Variants in BOP1 observed in about 807,000 individuals in gnomAD.
BOP1 encodes ribosome biogenesis protein BOP1.
BOP1 carries 54 observed loss-of-function variants against 82.9 expected under a neutral mutation model. The ratio of observed to expected loss-of-function variants is 0.65; its 90% CI spans 0.52 to 0.82. BOP1 has a LOEUF of 0.82. Ranked by LOEUF, BOP1 falls within the 40% of genes least tolerant of loss-of-function variation. The pLI is 0.00. For synonymous variants in BOP1, 566 were observed against 451.1 expected, an observed-to-expected ratio of 1.25 and a Z score of -3.23; for missense variants, 1,170 against 1,072.0, an observed-to-expected ratio of 1.09 and a Z score of -1.28.
intron 2 of BOP1, among the ~76,000 whole-genome samples, chr8:144,283,961 A>G (rs1156566567): frequency 2.6e-5 from 4 of 152,206 alleles, no homozygotes; most frequent in Admixed American, 2.0e-4. Context: ...TCCTAAAAAT[A>G]CAGACATTAG....
rs538398149 is a variant in BOP1 at position 144,284,857 on chromosome 8, G to A, written c.309+4238C>T. Among the ~76,000 whole-genome samples the A allele has an allele frequency of 5.9e-5, 9 of 152,318 alleles. No homozygotes were observed. In the South Asian group the frequency reaches 1.7e-3, roughly 28 times the overall value. On this transcript the variant is annotated intron_variant, in intron 2 of 15. Transcript: ENST00000569669. Reference sequence around the variant, plus strand: ...AAAGCCAGAGGGAAGCCTGTGGCCCGGCCCTGCAGCCAGAAGCACGCCCAC... The same window carrying A: ...AAAGCCAGAGGGAAGCCTGTGGCCCAGCCCTGCAGCCAGAAGCACGCCCAC...
At chr8:144,268,866 G>C (rs1027029711) in intron 3 of BOP1, among the ~76,000 whole-genome samples, 1 of 152,130 alleles carries the variant, frequency 6.6e-6, no homozygotes, top group Non-Finnish European at 1.5e-5. Flanking sequence ...CGGGCCTGTC[G>C]GGCACCCGGG....
At chr8:144,275,040 C>CCG (rs2130236405) in intron 3 of BOP1, among the ~76,000 whole-genome samples, 1 of 151,620 alleles carries the variant, frequency 6.6e-6, no homozygotes, top group South Asian at 2.1e-4. Flanking sequence ...CAGCAGAGAC[C>CCG]GGATCGGGCG....
At chr8:144,282,946 T>C (rs1443442783) in intron 2 of BOP1, among the ~76,000 whole-genome samples, 3 of 150,802 alleles carry the variant, frequency 2.0e-5, no homozygotes, top group Non-Finnish European at 4.4e-5. Flanking sequence ...CCCAGCACTT[T>C]GGGAGGCCAA....
chr8:144,263,794 G>GT, intron 9 of BOP1, 33 bp from the exon 10 acceptor site: 1 of 1,605,876 alleles, frequency 6.2e-7, no homozygotes, highest in South Asian at 1.1e-5. Flanking sequence ...GAGTCAGACT[G>GT]GGAGGGTGCA....
At chr8:144,267,178 T>C (rs2130211542) in intron 3 of BOP1, 1 of 1,525,492 alleles carries the variant, frequency 6.6e-7, no homozygotes, top group South Asian at 1.2e-5. Context: ...CCAGAGAAAG[T>C]TGGTGAGCAC....
intron 2 of BOP1, among the ~76,000 whole-genome samples, chr8:144,288,485 AC>A (rs1554839709): frequency 6.7e-6 from 1 of 150,166 alleles, no homozygotes; most frequent in Non-Finnish European, 1.5e-5. Flanking sequence ...CCAAGATCAC[AC>A]CACTGCACTC....
chr8:144,268,790 G>A (rs1845440196), intron 3 of BOP1, among the ~76,000 whole-genome samples: 1 of 151,984 alleles, frequency 6.6e-6, no homozygotes, highest in Non-Finnish European at 1.5e-5. Flanking sequence ...CAGGGACGCT[G>A]TAAGGCAGGG....
In BOP1 at chr8:144,262,102, G is replaced by T. The variant is rs1564592717; in HGVS notation, c.*62C>A. 2 of 1,606,598 alleles carry T rather than the reference G, an allele frequency of 1.2e-6. No individual in the cohort carries two copies. The highest frequency in any genetic ancestry group is 1.7e-6 in the Non-Finnish European group (2 of 1,177,568). On this transcript the variant is annotated 3_prime_UTR_variant, in exon 16 of 16. Transcript: ENST00000569669. ...TTCAAGAAGGTGGGAGCACCAGGCAGCACAGGGTAAAGGCTCTGTTGACTT... is the reference window on the plus strand; with the variant it reads ...TTCAAGAAGGTGGGAGCACCAGGCATCACAGGGTAAAGGCTCTGTTGACTT...
rs1554836557 is a variant in BOP1 at position 144,262,678 on chromosome 8, G to A, written c.1895-6C>T. ...CCCACAGATGACGTTGTCACCTAGG[G>A]CCAAAGGCTGTGATGCAGGTGTTCC... is the stretch of plus-strand genomic sequence containing the variant. On this transcript the variant is annotated splice_polypyrimidine_tract_variant and splice_region_variant and intron_variant, in intron 13 of 15. Coordinates refer to ENST00000569669, the MANE Select transcript of BOP1 (RefSeq NM_015201.5). 4 of 1,612,954 alleles carry A rather than the reference G, an allele frequency of 2.5e-6. No homozygotes were observed. The highest frequency in any genetic ancestry group is 1.7e-4 in the Middle Eastern group (1 of 6,024).
Position 144,263,066 on chromosome 8 carries a change from C to T in BOP1, c.1681G>A (p.Val561Met). 6.3e-7 allele frequency: 1 copy of T among 1,587,632 alleles called. No homozygotes were observed. Among genetic ancestry groups the T allele is most frequent in the South Asian group, 1.1e-5 (1 of 89,382 alleles). Reference sequence around the variant, plus strand: ...CGACGGCTCAGCTGGTGAATCAGCACCTGGGTGTGGCCTTGGGTGGCCAGC... The same window carrying T: ...CGACGGCTCAGCTGGTGAATCAGCATCTGGGTGTGGCCTTGGGTGGCCAGC... ...VVLATQGHTQ[V>M]LIHQLSRRRS... Residue 561 changes from valine to methionine, a missense_variant, in exon 13 of 16, where the codon GTG becomes ATG. Val to Met is a conservative substitution (Grantham distance 21). Coordinates refer to ENST00000569669, the MANE Select transcript of BOP1 (RefSeq NM_015201.5).
At chr8:144,274,917 G>GGGGGAGGGGAGACAGGC (rs1330300492) in intron 3 of BOP1, among the ~76,000 whole-genome samples, 1 of 152,226 alleles carries the variant, frequency 6.6e-6, no homozygotes, top group African/African-American at 2.4e-5. Context: ...GCCCCTGGGA[G>GGGGGAGGGGAGACAGGC]GGGGAGGGGA....
rs1845419624 is a variant in BOP1 at position 144,268,070 on chromosome 8, G to T, written c.391-2999C>A. On this transcript the variant is annotated intron_variant, in intron 3 of 15. Coordinates refer to ENST00000569669, the MANE Select transcript of BOP1 (RefSeq NM_015201.5). ...GAGGCGCAGACTGGCGCTGGGCTCTGCCGGGGCCTGACACTCCTCCCTCCC... is the reference window on the plus strand; with the variant it reads ...GAGGCGCAGACTGGCGCTGGGCTCTTCCGGGGCCTGACACTCCTCCCTCCC... 1.9e-6 allele frequency: 3 copies of T among 1,549,600 alleles called. No homozygotes were observed. The East Asian group carries it at 7.3e-5, about 38-fold the overall frequency.
intron 3 of BOP1, among the ~76,000 whole-genome samples, chr8:144,269,429 G>A (rs950165893): frequency 2.2e-4 from 34 of 152,362 alleles, no homozygotes; most frequent in Middle Eastern, 6.8e-3. Flanking sequence ...TGTGGCCCAC[G>A]TGGGCATCGG....
intron 3 of BOP1, among the ~76,000 whole-genome samples, chr8:144,268,814 GGCAGGGACAGAGGCAGCA>G (rs1398906160): frequency 6.7e-5 from 10 of 149,634 alleles, no homozygotes; most frequent in East Asian, 3.9e-4. Flanking sequence ...GGGAGGCAGC[GGCAGGGACAGAGGCAGCA>G]GCAGGGCAAG....
chr8:144,276,366 G>GTCCT, intron 2 of BOP1, 62 bp from the exon 3 acceptor site: 6 of 1,579,016 alleles, frequency 3.8e-6, no homozygotes, highest in Non-Finnish European at 5.2e-6. Context: ...GACCTTGGGG[G>GTCCT]GATCCCAGGA....
At chr8:144,265,116 C>T in intron 3 of BOP1, 45 bp from the exon 4 acceptor site, 2 of 1,586,330 alleles carry the variant, frequency 1.3e-6, no homozygotes, top group South Asian at 1.2e-5. Flanking sequence ...CTACAAGGCC[C>T]ACCCCCGCTT....
At chr8:144,274,354 G>A (rs1038336929) in intron 3 of BOP1, among the ~76,000 whole-genome samples, 1 of 152,150 alleles carries the variant, frequency 6.6e-6, no homozygotes, top group Non-Finnish European at 1.5e-5. Flanking sequence ...GCTGCCTGAC[G>A]GGCCCTGCTC....
rs1209280783 is a variant in BOP1, at chr8:144,264,048, C to T, written c.1073G>A (p.Arg358His). Residue 358 changes from arginine (R) to histidine (H), a missense_variant, in exon 8 of 16, where the codon CGC becomes CAC. Physicochemically the swap from Arg to His is conservative, Grantham distance 29. Coordinates refer to ENST00000569669, the MANE Select transcript of BOP1 (RefSeq NM_015201.5). ...PSLRAVPAYG[R>H]FIQERFERCL... is the part of the protein sequence containing the mutation. Reference sequence around the variant, plus strand: ...GCGCTCGAAGCGTTCCTGGATGAAGCGTCCGTAGGCAGGCACGGCCCGCAG... The same window carrying T: ...GCGCTCGAAGCGTTCCTGGATGAAGTGTCCGTAGGCAGGCACGGCCCGCAG... The T allele has an allele frequency of 3.3e-5, 53 of 1,609,826 alleles. No homozygotes were observed. The highest frequency in any genetic ancestry group is 1.6e-4 in the African/African-American group (12 of 75,048).
Sources: gnomAD v4.1 joint callset for allele counts (sites outside exome capture counted in the v4.1 genomes callset) on GRCh38, gnomAD v4.1.1 for gene constraint, MANE v1.5 for transcripts, NCBI Gene and HGNC (gene_info 2026-07-23, HGNC 2026-07-21) for gene names.